GPC6: variants seen among roughly 807,000 people sequenced by gnomAD.
GPC6 encodes the protein glypican 6, also known as glypican-6.
Under a neutral mutation model 55.2 loss-of-function variants are expected in GPC6, and 14 were observed. The ratio of observed to expected loss-of-function variants is 0.25; its 90% CI spans 0.17 to 0.40. The LOEUF (loss-of-function observed/expected upper bound fraction) is 0.40, where lower values mean the gene tolerates loss of function less well. GPC6 is among the 10% of genes least tolerant of loss of function. The pLI is 1.00. For synonymous variants in GPC6, 278 were observed against 259.6 expected, an observed-to-expected ratio of 1.07 and a Z score of -0.68; for missense variants, 641 against 708.5, an observed-to-expected ratio of 0.90 and a Z score of 1.08.
At chr13:93,597,661 T>C (rs1347552683) in intron 2 of GPC6, among the ~76,000 whole-genome samples, 1 of 152,184 alleles carries the variant, frequency 6.6e-6, no homozygotes, top group Non-Finnish European at 1.5e-5. Context: ...TTTATGACTG[T>C]CCACTTCCAC....
intron 2 of GPC6, among the ~76,000 whole-genome samples, chr13:93,712,259 C>T (rs1368204662): frequency 6.6e-6 from 1 of 151,662 alleles, no homozygotes; most frequent in Non-Finnish European, 1.5e-5. Context: ...CGCAAAAATG[C>T]CAAGACACTA....
intron 6 of GPC6, among the ~76,000 whole-genome samples, chr13:94,361,398 G>C (rs1594205715): frequency 6.6e-6 from 1 of 152,198 alleles, no homozygotes; most frequent in Non-Finnish European, 1.5e-5. Flanking sequence ...TTTTCATTTT[G>C]CACTGGGCTC....
At chr13:94,159,632 GA>G (rs1458039902) in intron 4 of GPC6, among the ~76,000 whole-genome samples, 4 of 152,100 alleles carry the variant, frequency 2.6e-5, no homozygotes, top group Admixed American at 6.6e-5. Flanking sequence ...TTTGGGTGGG[GA>G]CACAGCCAAA....
At chr13:93,614,480 G>A (rs1445356590) in intron 2 of GPC6, among the ~76,000 whole-genome samples, 2 of 152,132 alleles carry the variant, frequency 1.3e-5, no homozygotes, top group African/African-American at 4.8e-5. Context: ...CAAATCAGGT[G>A]TAGTAATAGT....
At chr13:93,343,520 T>G (rs550250980) in intron 1 of GPC6, among the ~76,000 whole-genome samples, 175 of 152,340 alleles carry the variant, frequency 1.1e-3, no homozygotes, top group Non-Finnish European at 2.0e-3. Flanking sequence ...CTGTTATGAA[T>G]GTATTTAGAT....
intron 3 of GPC6, among the ~76,000 whole-genome samples, chr13:93,972,120 A>G (rs923631774): frequency 1.7e-4 from 26 of 152,304 alleles, no homozygotes; most frequent in Non-Finnish European, 5.9e-5. Flanking sequence ...GGCTTGGTCC[A>G]ATCACATAGG....
At chr13:94,294,703 G>A (rs1402262262) in intron 5 of GPC6, among the ~76,000 whole-genome samples, 1 of 151,962 alleles carries the variant, frequency 6.6e-6, no homozygotes, top group Non-Finnish European at 1.5e-5. Flanking sequence ...AATTCAGATG[G>A]AGAGAATATC....
chr13:93,522,527 C>T (rs1881460971), intron 1 of GPC6, among the ~76,000 whole-genome samples: 1 of 151,720 alleles, frequency 6.6e-6, no homozygotes, highest in South Asian at 2.1e-4. Flanking sequence ...AAATATTATC[C>T]TTTAACAATA....
chr13:93,778,159 G>A lies in GPC6; in HGVS notation c.320-51995G>A, dbSNP rs116606621. Among the ~76,000 whole-genome samples the A allele has an allele frequency of 4.0e-3, 606 of 152,268 alleles. 7 individuals are homozygous for A. The highest frequency in any genetic ancestry group is 0.014 in the African/African-American group (568 of 41,546). On this transcript the variant is annotated intron_variant, in intron 2 of 8. Transcript: ENST00000377047. The stretch of plus-strand genomic sequence containing the variant: ...TTAACCTCTGTGCTTTCTTTTGCTG[G>A]TAGAGGGATGTTCAAGATAGAGGGG...
chr13:93,306,539 C>T (rs1248363564), intron 1 of GPC6, among the ~76,000 whole-genome samples: 2 of 151,818 alleles, frequency 1.3e-5, no homozygotes, highest in African/African-American at 2.4e-5. Flanking sequence ...ATCTTAAAAG[C>T]AAAAGTAAAC....
At chr13:93,266,617 T>C (rs1043395321) in intron 1 of GPC6, among the ~76,000 whole-genome samples, 14 of 152,222 alleles carry the variant, frequency 9.2e-5, no homozygotes, top group African/African-American at 2.7e-4. Flanking sequence ...ATATAGAAGC[T>C]GAGGGCATTC....
intron 1 of GPC6, among the ~76,000 whole-genome samples, chr13:93,240,581 A>G (rs1350401117): frequency 6.6e-6 from 1 of 152,212 alleles, no homozygotes; most frequent in East Asian, 1.9e-4. Flanking sequence ...GATTGTGCTT[A>G]TTAAATTAAT....
chr13:93,617,254 G>C (rs1464959442), intron 2 of GPC6, among the ~76,000 whole-genome samples: 1 of 151,982 alleles, frequency 6.6e-6, no homozygotes, highest in Non-Finnish European at 1.5e-5. Flanking sequence ...ATAATTAGAA[G>C]GAATATTAGA....
chr13:93,899,545 T>A (rs977743168), intron 3 of GPC6, among the ~76,000 whole-genome samples: 1 of 152,048 alleles, frequency 6.6e-6, no homozygotes, highest in African/African-American at 2.4e-5. Context: ...ATATGGTATA[T>A]ATTACCTGGA....
At chr13:93,615,494 C>T (rs577208891) in intron 2 of GPC6, among the ~76,000 whole-genome samples, 14 of 152,250 alleles carry the variant, frequency 9.2e-5, no homozygotes, top group African/African-American at 3.1e-4. Context: ...ATCTATCATG[C>T]CTTTTCCTCC....
intron 2 of GPC6, among the ~76,000 whole-genome samples, chr13:93,595,600 AG>A (rs1224054507): frequency 2.6e-5 from 4 of 152,208 alleles, no homozygotes; most frequent in Non-Finnish European, 5.9e-5. Context: ...AGTGTATAAA[AG>A]AATGTATAGT....
intron 4 of GPC6, among the ~76,000 whole-genome samples, chr13:94,089,939 C>T (rs1344715748): frequency 1.3e-5 from 2 of 152,000 alleles, no homozygotes; most frequent in Non-Finnish European, 2.9e-5. Context: ...AGACCAGCAC[C>T]CATAACCATA....
intron 3 of GPC6, among the ~76,000 whole-genome samples, chr13:93,931,200 T>G (rs1878152451): frequency 6.6e-6 from 1 of 151,958 alleles, no homozygotes; most frequent in Non-Finnish European, 1.5e-5. Context: ...TAACCATCTA[T>G]GAGGTAAAAC....
At chr13:93,549,223 G>A (rs1874991266) in intron 2 of GPC6, among the ~76,000 whole-genome samples, 1 of 152,060 alleles carries the variant, frequency 6.6e-6, no homozygotes, top group Non-Finnish European at 1.5e-5. Context: ...CCTCTCCTCT[G>A]CCAAACACCC....
Sources: allele counts gnomAD v4.1 joint callset (sites outside exome capture counted in the v4.1 genomes callset), GRCh38; gene constraint gnomAD v4.1.1; transcripts MANE v1.5; gene names NCBI Gene and HGNC (gene_info 2026-07-23, HGNC 2026-07-21).